The following PPM1L variants were observed in gnomAD, a reference collection of about 807,000 sequenced individuals.
PPM1L encodes protein phosphatase 1L.
A neutral mutation model predicts 31.4 loss-of-function variants in PPM1L; 13 were observed. The ratio of observed to expected loss-of-function variants is 0.41; its 90% CI spans 0.27 to 0.66. The LOEUF (loss-of-function observed/expected upper bound fraction) is 0.66, where lower values mean the gene tolerates loss of function less well. Ranked by LOEUF, PPM1L falls within the 30% of genes least tolerant of loss-of-function variation. The pLI, the probability that PPM1L is intolerant of heterozygous loss-of-function variation, is 0.29. For missense variants in PPM1L, 326 were observed against 453.7 expected (o/e 0.72, Z 2.56); for synonymous variants, 184 against 175.4 (o/e 1.05, Z -0.39).
chr3:160,858,618 A>G (rs984931455), intron 1 of PPM1L, among the ~76,000 whole-genome samples: 2 of 152,176 alleles, frequency 1.3e-5, no homozygotes, highest in Non-Finnish European at 2.9e-5. Flanking sequence ...TAAAAGGTGG[A>G]CAGTTTCACC....
chr3:160,973,764 GTTTTTTTTTTTTTTT>G (rs75599237), intron 2 of PPM1L, among the ~76,000 whole-genome samples: 11,812 of 88,806 alleles, frequency 0.13, 977 homozygotes, highest in African/African-American at 0.2. Flanking sequence ...GAAAGGCCCT[GTTTTTTTTTTTTTTT>G]TTTTTTTTTT....
chr3:160,893,262 G>A (rs1377516962), intron 1 of PPM1L, among the ~76,000 whole-genome samples: 1 of 152,102 alleles, frequency 6.6e-6, no homozygotes, highest in African/African-American at 2.4e-5. Context: ...CTGTATAGAA[G>A]GCAGGGAACC....
chr3:160,851,978 T>A (rs1306156290), intron 1 of PPM1L, among the ~76,000 whole-genome samples: 2 of 152,202 alleles, frequency 1.3e-5, no homozygotes, highest in African/African-American at 4.8e-5. Context: ...AATTAGAACT[T>A]TGATGAAGAA....
intron 1 of PPM1L, among the ~76,000 whole-genome samples, chr3:160,881,732 A>G (rs1481361361): frequency 1.3e-5 from 2 of 151,862 alleles, no homozygotes; most frequent in Admixed American, 6.6e-5. Flanking sequence ...ATCTCCCAAG[A>G]TGCTCCTCAG....
At chr3:160,931,115 A>G (rs1370514523) in intron 1 of PPM1L, among the ~76,000 whole-genome samples, 2 of 152,226 alleles carry the variant, frequency 1.3e-5, no homozygotes, top group Admixed American at 1.3e-4. Flanking sequence ...ACAGTAGGGG[A>G]CAAACATTTG....
chr3:160,860,701 CA>C (rs1353108573), intron 1 of PPM1L, among the ~76,000 whole-genome samples: 1 of 152,138 alleles, frequency 6.6e-6, no homozygotes, highest in Non-Finnish European at 1.5e-5. Context: ...GCTTAAACAA[CA>C]GACATTTATT....
intron 1 of PPM1L, among the ~76,000 whole-genome samples, chr3:160,944,935 ATT>A (rs1388760438): frequency 1.6e-5 from 1 of 60,626 alleles, no homozygotes; most frequent in East Asian, 2.8e-4. Flanking sequence ...AGATATATAT[ATT>A]ATATATAACT....
chr3:161,026,717 A>G (rs1718406253), intron 2 of PPM1L, among the ~76,000 whole-genome samples: 1 of 151,350 alleles, frequency 6.6e-6, no homozygotes, highest in African/African-American at 2.4e-5. Flanking sequence ...AAAAAAGAAA[A>G]TTGACAAGGA....
At chr3:160,775,477 G>A (rs1287655777) in intron 1 of PPM1L, among the ~76,000 whole-genome samples, 2 of 152,172 alleles carry the variant, frequency 1.3e-5, no homozygotes, top group African/African-American at 4.8e-5. Context: ...CACAGCTCCT[G>A]CAGTGTAAGG....
At chr3:160,881,731 GA>G (rs370918992) in intron 1 of PPM1L, among the ~76,000 whole-genome samples, 146 of 152,272 alleles carry the variant, frequency 9.6e-4, no homozygotes, top group African/African-American at 3.4e-3. Context: ...TATCTCCCAA[GA>G]TGCTCCTCAG....
At chr3:160,870,237 C>G (rs1712254762) in intron 1 of PPM1L, among the ~76,000 whole-genome samples, 1 of 152,142 alleles carries the variant, frequency 6.6e-6, no homozygotes, top group South Asian at 2.1e-4. Flanking sequence ...ATCTTCACCA[C>G]TATGACAAAG....
intron 2 of PPM1L, among the ~76,000 whole-genome samples, chr3:161,050,716 T>C (rs1366988440): frequency 6.6e-6 from 1 of 152,192 alleles, no homozygotes; most frequent in African/African-American, 2.4e-5. Context: ...CTTGTAATGC[T>C]TTCTTGTTTG....
chr3:160,923,734 G>T (rs1037723319), intron 1 of PPM1L, among the ~76,000 whole-genome samples: 1 of 152,188 alleles, frequency 6.6e-6, no homozygotes, highest in Non-Finnish European at 1.5e-5. Flanking sequence ...GACAGTGTAG[G>T]ATGCTACTGC....
intron 1 of PPM1L, among the ~76,000 whole-genome samples, chr3:160,814,972 A>C (rs1388936386): frequency 6.6e-6 from 1 of 152,070 alleles, no homozygotes; most frequent in African/African-American, 2.4e-5. Context: ...AAGGCATAAG[A>C]ATGATACAAT....
intron 1 of PPM1L, among the ~76,000 whole-genome samples, chr3:160,938,273 G>A (rs974235530): frequency 7.9e-5 from 12 of 152,164 alleles, no homozygotes; most frequent in African/African-American, 2.7e-4. Context: ...ACTACCAACT[G>A]ATGGCTGCTA....
At chr3:161,037,620 C>A (rs1390772752) in intron 2 of PPM1L, among the ~76,000 whole-genome samples, 1 of 133,640 alleles carries the variant, frequency 7.5e-6, no homozygotes, top group Non-Finnish European at 1.6e-5. Flanking sequence ...TTAGTAGAGA[C>A]GGGGTTTCTC....
chr3:160,908,679 G>C (rs1713849102), intron 1 of PPM1L, among the ~76,000 whole-genome samples: 1 of 152,156 alleles, frequency 6.6e-6, no homozygotes, highest in African/African-American at 2.4e-5. Context: ...TGATTACCAA[G>C]ACAGAGTCCT....
chr3:160,785,037 T>G (rs1442661399), intron 1 of PPM1L, among the ~76,000 whole-genome samples: 1 of 152,198 alleles, frequency 6.6e-6, no homozygotes, highest in Non-Finnish European at 1.5e-5. Flanking sequence ...AGTAAATTGT[T>G]GCTCATATTT....
intron 1 of PPM1L, among the ~76,000 whole-genome samples, chr3:160,760,445 G>A (rs146376600): frequency 1.4e-4 from 21 of 152,246 alleles, no homozygotes; most frequent in East Asian, 1.2e-3. Flanking sequence ...ATTTTAAAGA[G>A]CCTTATCTCA....
Sources: allele counts gnomAD v4.1 joint callset (sites outside exome capture counted in the v4.1 genomes callset), GRCh38; gene constraint gnomAD v4.1.1; transcripts MANE v1.5; gene names NCBI Gene and HGNC (gene_info 2026-07-23, HGNC 2026-07-21).